Variants in EML6 observed in about 807,000 individuals in gnomAD.
The protein encoded by EML6 is EMAP like 6.
In EML6, 154 loss-of-function variants were observed where a neutral mutation model predicts 240.1. The observed-to-expected ratio is 0.64, with a 90% confidence interval of 0.56 to 0.73. The LOEUF is 0.73. Among genes scored for constraint, EML6 ranks in the 30% least tolerant of loss-of-function variants. EML6 has a pLI of 0.00. For missense variants in EML6, 2,964 were observed against 2,474.6 expected (o/e 1.20, Z -4.20); for synonymous variants, 1,148 against 899.0 (o/e 1.28, Z -4.95).
At chr2:54,806,520 G>A (rs1320511335) in intron 2 of EML6, among the ~76,000 whole-genome samples, 2 of 149,160 alleles carry the variant, frequency 1.3e-5, no homozygotes, top group African/African-American at 4.9e-5. Flanking sequence ...TGCTGAGGCA[G>A]GAGAATCGCT....
intron 26 of EML6, among the ~76,000 whole-genome samples, chr2:54,925,950 T>C (rs776082982): frequency 2.6e-5 from 4 of 152,204 alleles, no homozygotes; most frequent in Non-Finnish European, 5.9e-5. Context: ...TGAAAAGCTC[T>C]GGAGGATGAT....
At chr2:54,846,842 G>A (rs539388281) in intron 8 of EML6, among the ~76,000 whole-genome samples, 1 of 151,552 alleles carries the variant, frequency 6.6e-6, no homozygotes, top group East Asian at 2.0e-4. Context: ...TTTTTAACAT[G>A]TATGTGTGAT....
intron 2 of EML6, among the ~76,000 whole-genome samples, chr2:54,806,516 GGCA>G (rs1258059403): frequency 2.0e-5 from 3 of 148,608 alleles, no homozygotes; most frequent in African/African-American, 4.9e-5. Flanking sequence ...GGGATGCTGA[GGCA>G]GGAGAATCGC....
In EML6 at chr2:54,813,472, C is replaced by G. The variant is rs1449804513; in HGVS notation, c.357+81C>G. 5 of 1,171,864 alleles carry G rather than the reference C, an allele frequency of 4.3e-6. No homozygotes were observed. In the African/African-American group the frequency reaches 4.7e-5, roughly 11 times the overall value. 72.6% of individuals were successfully genotyped at this position (1,171,864 alleles called of 1,614,324 possible). On this transcript the variant is annotated intron_variant, in intron 3 of 41. Coordinates refer to ENST00000356458, the MANE Select transcript of EML6 (RefSeq NM_001039753.4). ...CTATAATAGGAATAGCCAGTAGATTCAAAGTCCATCAACCCTTGCTGGTTC... is the reference window on the plus strand; with the variant it reads ...CTATAATAGGAATAGCCAGTAGATTGAAAGTCCATCAACCCTTGCTGGTTC...
Position 54,829,344 on chromosome 2 carries a change from T to C in EML6, c.714T>C (p.Ala238=), listed in dbSNP as rs557506912. 5 of 1,551,572 alleles carry C rather than the reference T, an allele frequency of 3.2e-6. No individual in the cohort carries two copies. The South Asian group carries it at 4.8e-5, about 15-fold the overall frequency. Residue 238 remains alanine (A), a splice_region_variant and synonymous_variant, in exon 7 of 42, where the codon GCT becomes GCC. Transcript: ENST00000356458. ...GTATTACCTGTTTTAATCAACAGGCTGGAATCTTTAGCATGTATGCTTGTG... is the reference window on the plus strand; with the variant it reads ...GTATTACCTGTTTTAATCAACAGGCCGGAATCTTTAGCATGTATGCTTGTG... The part of the protein sequence containing the change: ...LVRTIQGAHS[A]GIFSMYACEE...
intron 17 of EML6, among the ~76,000 whole-genome samples, chr2:54,884,143 G>T (rs115696044): frequency 4.5e-4 from 69 of 152,284 alleles, no homozygotes; most frequent in African/African-American, 1.6e-3. Flanking sequence ...TTCTGAGACC[G>T]TTCCCCTCAT....
intron 28 of EML6, among the ~76,000 whole-genome samples, chr2:54,940,297 G>A (rs984440623): frequency 6.6e-6 from 1 of 152,126 alleles, no homozygotes. Context: ...GAAACAAAAA[G>A]AAAGTTCTAT....
In EML6 at chr2:54,899,717, A is replaced by G. The variant is rs1212371264; in HGVS notation, c.3059A>G (p.Lys1020Arg). The G allele has an allele frequency of 1.3e-6, 2 of 1,552,106 alleles. No individual in the cohort carries two copies. Among genetic ancestry groups the G allele is most frequent in the Non-Finnish European group, 1.7e-6 (2 of 1,147,256 alleles). The change falls in exon 22 of 42, where the codon AAA becomes AGA. Residue 1020 changes from lysine (K) to arginine (R), a missense_variant. Physicochemically the swap from Lys to Arg is conservative, Grantham distance 26 (BLOSUM62 2). Coordinates refer to ENST00000356458, the MANE Select transcript of EML6 (RefSeq NM_001039753.4). Reference sequence around the variant, plus strand: ...ATCTGTGCAACAGTGAGCGATGATAAAACACTTCGCATCTGGGAACTATCT... The same window carrying G: ...ATCTGTGCAACAGTGAGCGATGATAGAACACTTCGCATCTGGGAACTATCT... ...LPICATVSDD[K>R]TLRIWELSAQ...
At chr2:54,843,900 C>T (rs1483758803) in intron 7 of EML6, 147 bp from the exon 8 acceptor site, 7 of 642,470 alleles carry the variant, frequency 1.1e-5, no homozygotes, top group Non-Finnish European at 1.1e-5. Context: ...TCTCTGCCTC[C>T]AAGAGTCTTT....
chr2:54,823,143 C>T (rs1668407694), intron 5 of EML6, among the ~76,000 whole-genome samples: 1 of 152,092 alleles, frequency 6.6e-6, no homozygotes, highest in Admixed American at 6.6e-5. Flanking sequence ...TGAAGTTTAG[C>T]CATTAAAACA....
chr2:54,816,871 G>A lies in EML6; in HGVS notation c.442G>A (p.Gly148Ser), dbSNP rs541784728. The A allele has an allele frequency of 2.3e-5, 36 of 1,550,716 alleles. No homozygotes were observed. The highest frequency in any genetic ancestry group is 3.0e-5 in the Non-Finnish European group (34 of 1,146,152). ...GGGAAAACTTCTGGCGTCAGCCACC[G>A]GCCATTCTGACAGGGTAAGAACTTG... ...RKGKLLASAT[G>S]HSDRIFDISW... The change falls in exon 4 of 42, where the codon GGC becomes AGC. Residue 148 changes from glycine (G) to serine (S), a missense_variant. Gly to Ser is a moderately conservative substitution (Grantham distance 56). Coordinates refer to ENST00000356458, the MANE Select transcript of EML6 (RefSeq NM_001039753.4).
chr2:54,970,348 G>GTA lies in EML6; in HGVS notation c.*256_*257dup. The GTA allele has an allele frequency of 2.0e-6, 1 of 511,392 alleles. No individual in the cohort carries two copies. Among genetic ancestry groups the GTA allele is most frequent in the South Asian group, 2.8e-5 (1 of 35,170 alleles). 31.7% of individuals were successfully genotyped at this position (511,392 alleles called of 1,614,324 possible). A position where few individuals can be genotyped will look rare whatever the true frequency, so the allele number is the denominator to read the frequency against. On this transcript the variant is annotated 3_prime_UTR_variant, in exon 42 of 42. Coordinates refer to ENST00000356458, the MANE Select transcript of EML6 (RefSeq NM_001039753.4). ...TTGCCTCTGTTCCTGAGACTAAACA[G>GTA]TATACATACTAACTACATTGACAAA...
intron 2 of EML6, among the ~76,000 whole-genome samples, chr2:54,775,341 C>G (rs540464093): frequency 1.9e-4 from 29 of 152,278 alleles, no homozygotes; most frequent in African/African-American, 6.7e-4. Context: ...GCCACACTGG[C>G]TTCTTTGCTA....
intron 2 of EML6, among the ~76,000 whole-genome samples, chr2:54,782,237 G>T (rs2103855298): frequency 6.6e-6 from 1 of 152,156 alleles, no homozygotes; most frequent in Middle Eastern, 3.4e-3. Context: ...TTGTTGATTA[G>T]TTCTTTTCCC....
At chr2:54,807,513 A>G (rs1474275181) in intron 2 of EML6, among the ~76,000 whole-genome samples, 1 of 152,208 alleles carries the variant, frequency 6.6e-6, no homozygotes, top group East Asian at 1.9e-4. Context: ...GATTTGTAGC[A>G]CTTAGTGATT....
Position 54,847,478 on chromosome 2 carries a change from G to A in EML6, c.1050-8G>A. ...TTTGTTTTGTTTTGACTTCGTTCTT[G>A]TGCCTAGGCTGTGGAGCCTGGCTGA... On this transcript the variant is annotated splice_region_variant and splice_polypyrimidine_tract_variant and intron_variant, in intron 8 of 41. Transcript: ENST00000356458. 9 of 1,550,294 alleles carry A rather than the reference G, an allele frequency of 5.8e-6. No homozygotes were observed. The highest frequency in any genetic ancestry group is 1.4e-5 in the African/African-American group (1 of 73,120).
intron 2 of EML6, among the ~76,000 whole-genome samples, chr2:54,783,894 T>G (rs185546501): frequency 6.6e-6 from 1 of 152,358 alleles, no homozygotes; most frequent in East Asian, 1.9e-4. Flanking sequence ...ATTGCAAGAT[T>G]TTAAATATCT....
chr2:54,917,652 C>T (rs929070017), intron 26 of EML6, among the ~76,000 whole-genome samples: 21 of 152,270 alleles, frequency 1.4e-4, no homozygotes, highest in African/African-American at 4.1e-4. Flanking sequence ...TGAGCCACTG[C>T]GCCTGGCCTC....
At chr2:54,765,461 T>G (rs752987561) in intron 2 of EML6, among the ~76,000 whole-genome samples, 1 of 152,186 alleles carries the variant, frequency 6.6e-6, no homozygotes, top group Non-Finnish European at 1.5e-5. Context: ...ATTCTTTTAT[T>G]TTTATTTTTA....
Sources: gnomAD v4.1 joint callset for allele counts (sites outside exome capture counted in the v4.1 genomes callset) on GRCh38, gnomAD v4.1.1 for gene constraint, MANE v1.5 for transcripts, NCBI Gene and HGNC (gene_info 2026-07-23, HGNC 2026-07-21) for gene names.